TFDP2: variants seen among roughly 807,000 people sequenced by gnomAD.
TFDP2 encodes transcription factor Dp-2.
A neutral mutation model predicts 59.3 loss-of-function variants in TFDP2; 17 were observed. The ratio of observed to expected loss-of-function variants is 0.29; its 90% confidence interval spans 0.20 to 0.43. The LOEUF (loss-of-function observed/expected upper bound fraction) is 0.43. Ranked by LOEUF, TFDP2 falls within the 20% of genes least tolerant of loss-of-function variation. The pLI, the probability that TFDP2 is intolerant of heterozygous loss-of-function variation, is 1.00. For missense variants in TFDP2, 391 were observed against 528.8 expected (o/e 0.74, Z 2.56); for synonymous variants, 180 against 194.7 (o/e 0.92, Z 0.63).
In TFDP2 at chr3:142,121,738, C is replaced by G. The variant is rs2062053990; in HGVS notation, c.-92-19897G>C. ...TATGAAGTTTAAAAAAGGCTCACAC[C>G]TGTAATCCCAGCACTTCTGGGATGC... On this transcript the variant is annotated intron_variant, in intron 1 of 12. Transcript: ENST00000489671. This position sits in a 1 kb window ranked among gnomAD's most constrained non-coding sequence, Gnocchi z 4.3. 6.6e-6 allele frequency among the ~76,000 whole-genome samples: 1 copy of G among 152,072 alleles called. No individual in the cohort carries two copies. Among genetic ancestry groups the G allele is most frequent in the Non-Finnish European group, 1.5e-5 (1 of 68,010 alleles).
At chr3:142,001,629 C>T (rs1232780611) in intron 4 of TFDP2, among the ~76,000 whole-genome samples, 6 of 152,138 alleles carry the variant, frequency 3.9e-5, no homozygotes, top group African/African-American at 1.4e-4. Flanking sequence ...CTTTACATGG[C>T]CAAGCTGAGA....
At chr3:141,990,343 T>C (rs146593055) in intron 6 of TFDP2, among the ~76,000 whole-genome samples, 11,312 of 151,680 alleles carry the variant, frequency 0.075, 525 homozygotes, top group Non-Finnish European at 0.11. Context: ...GGTGTGATCT[T>C]GGCTCACTGC....
intron 3 of TFDP2, among the ~76,000 whole-genome samples, chr3:142,041,448 T>G (rs1184272524): frequency 1.3e-5 from 2 of 152,190 alleles, no homozygotes; most frequent in Non-Finnish European, 2.9e-5. Flanking sequence ...GAATAAGTCT[T>G]ACAAGATCTG....
intron 3 of TFDP2, among the ~76,000 whole-genome samples, chr3:142,053,036 C>G (rs1200474193): frequency 2.0e-5 from 3 of 152,102 alleles, no homozygotes; most frequent in African/African-American, 7.2e-5. Flanking sequence ...TCTCGATCTC[C>G]TGGCCTCGTG....
In TFDP2 at chr3:141,970,074, T is replaced by C; in HGVS notation, c.731A>G (p.Gln244Arg). ...ATGAAAACATCTCGGTATCTTTACC[T>C]GTAGGAGAAGTTCTTGCAGCTGGGC... ...KRAQLQELLL[Q>R]QIAFKNLVQR... Residue 244 changes from glutamine (Q) to arginine (R), a missense_variant and splice_region_variant, in exon 9 of 13, where the codon CAG becomes CGG. Coordinates refer to ENST00000489671, the MANE Select transcript of TFDP2 (RefSeq NM_001178139.2). The C allele has an allele frequency of 3.7e-6, 6 of 1,613,924 alleles. No homozygotes were observed. The highest frequency in any genetic ancestry group is 1.1e-5 in the South Asian group (1 of 91,088).
intron 10 of TFDP2, among the ~76,000 whole-genome samples, chr3:141,960,916 T>TAAC (rs1050734925): frequency 1.3e-5 from 2 of 152,074 alleles, no homozygotes; most frequent in African/African-American, 4.8e-5. Flanking sequence ...CTACGTCGGA[T>TAAC]AACAAGCTTG....
rs78113462 is a variant in TFDP2 at position 142,007,381 on chromosome 3, G to C, written c.83-1837C>G. Among the ~76,000 whole-genome samples, 212 of 152,098 alleles carry C rather than the reference G, an allele frequency of 1.4e-3. 1 individual carries two copies. The East Asian group carries it at 0.016, about 12-fold the overall frequency. ...CCACCCAGTGATCTAATCTAGAAATGATCTTCAGATCTTCACTCCATCTCC... is the reference window on the plus strand; with the variant it reads ...CCACCCAGTGATCTAATCTAGAAATCATCTTCAGATCTTCACTCCATCTCC... On this transcript the variant is annotated intron_variant, in intron 3 of 12. Transcript: ENST00000489671.
At chr3:141,961,237 G>GTTTTTTTT (rs1177754086) in intron 10 of TFDP2, among the ~76,000 whole-genome samples, 23 of 84,676 alleles carry the variant, frequency 2.7e-4, no homozygotes, top group East Asian at 3.7e-4. Context: ...GTTTTTTGTT[G>GTTTTTTTT]TTTTTTTTTT....
intron 4 of TFDP2, among the ~76,000 whole-genome samples, chr3:141,997,935 T>G (rs1324592177): frequency 6.6e-6 from 1 of 151,750 alleles, no homozygotes; most frequent in South Asian, 2.1e-4. Flanking sequence ...TGGCTATCTT[T>G]ATGAAAATGA....
At chr3:141,968,261 T>C (rs2107947157) in intron 9 of TFDP2, among the ~76,000 whole-genome samples, 1 of 137,148 alleles carries the variant, frequency 7.3e-6, no homozygotes, top group African/African-American at 2.7e-5. Context: ...TTATATATTA[T>C]ATATAATTAT....
chr3:141,968,463 GAT>G (rs1246592539), intron 9 of TFDP2, among the ~76,000 whole-genome samples: 3,388 of 74,112 alleles, frequency 0.046, 217 homozygotes, highest in Non-Finnish European at 0.059. Flanking sequence ...CTCATATATA[GAT>G]ATATATATAA....
intron 1 of TFDP2, among the ~76,000 whole-genome samples, chr3:142,148,112 T>A (rs1577088349): frequency 1.5e-5 from 2 of 135,674 alleles, no homozygotes; most frequent in African/African-American, 2.8e-5. Flanking sequence ...AGAAAACACA[T>A]GGCCCAGAAA....
chr3:141,983,415 T>A (rs1307430755), intron 6 of TFDP2, among the ~76,000 whole-genome samples: 1 of 152,056 alleles, frequency 6.6e-6, no homozygotes, highest in Non-Finnish European at 1.5e-5. Flanking sequence ...GGCAAGTGGA[T>A]CACTTGAGGT....
chr3:142,129,563 G>T (rs1335673508), intron 1 of TFDP2, among the ~76,000 whole-genome samples: 2 of 151,970 alleles, frequency 1.3e-5, no homozygotes, highest in African/African-American at 4.8e-5. Context: ...TTTGATAAGG[G>T]TTTCATATCT....
chr3:142,042,634 T>C (rs111642476), intron 3 of TFDP2, among the ~76,000 whole-genome samples: 10 of 132,160 alleles, frequency 7.6e-5, no homozygotes, highest in South Asian at 6.4e-4. Context: ...TCTTTTCTTT[T>C]TTTTTTTTTT....
intron 3 of TFDP2, among the ~76,000 whole-genome samples, chr3:142,032,034 T>C (rs1946453315): frequency 6.6e-6 from 1 of 152,192 alleles, no homozygotes; most frequent in Non-Finnish European, 1.5e-5. Context: ...GCATAGTAAA[T>C]ATTTCATATT....
At chr3:142,033,127 A>G (rs191827985) in intron 3 of TFDP2, among the ~76,000 whole-genome samples, 2 of 152,204 alleles carry the variant, frequency 1.3e-5, no homozygotes, top group Non-Finnish European at 2.9e-5. Flanking sequence ...CCCAGGAGGC[A>G]GAGGTTGCAG....
chr3:142,015,307 T>G (rs927487444), intron 3 of TFDP2, among the ~76,000 whole-genome samples: 4 of 152,200 alleles, frequency 2.6e-5, no homozygotes, highest in African/African-American at 7.2e-5. Flanking sequence ...TTCCTTGAAC[T>G]TTGGATTCAC....
Position 142,060,384 on chromosome 3 carries a change from C to T in TFDP2, c.82+32677G>A, listed in dbSNP as rs143110067. On this transcript the variant is annotated intron_variant, in intron 3 of 12. Coordinates refer to ENST00000489671, the MANE Select transcript of TFDP2 (RefSeq NM_001178139.2). ...TCCAAAACTGGTGGGTAGGGGACAACAAATGGAAGCTCCCAACAAAACCTA... is the reference window on the plus strand; with the variant it reads ...TCCAAAACTGGTGGGTAGGGGACAATAAATGGAAGCTCCCAACAAAACCTA... 3.2e-3 allele frequency among the ~76,000 whole-genome samples: 480 copies of T among 152,200 alleles called. 2 individuals carry two copies. Among genetic ancestry groups the T allele is most frequent in the African/African-American group, 0.011 (455 of 41,548 alleles).
Sources: gnomAD v4.1 joint callset for allele counts (sites outside exome capture counted in the v4.1 genomes callset) on GRCh38, gnomAD v4.1.1 for gene constraint, Gnocchi (gnomAD v3.1) non-coding constraint, MANE v1.5 for transcripts, NCBI Gene and HGNC (gene_info 2026-07-23, HGNC 2026-07-21) for gene names.